The following RAD51B variants were observed in gnomAD, a reference collection of about 807,000 sequenced individuals.
RAD51B encodes the protein DNA repair protein RAD51 homolog 2.
A neutral mutation model predicts 42.2 loss-of-function variants in RAD51B; 38 were observed. The ratio of observed to expected loss-of-function variants is 0.90; its 90% CI spans 0.70 to 1.18. The LOEUF (loss-of-function observed/expected upper bound fraction) is 1.18, where lower values mean the gene tolerates loss of function less well. Among genes scored for constraint, RAD51B ranks in the 50% most tolerant of loss-of-function variants. RAD51B has a pLI of 0.00. For synonymous variants in RAD51B, 154 were observed against 145.2 expected, an observed-to-expected ratio of 1.06 and a Z score of -0.43; for missense variants, 373 against 400.7, an observed-to-expected ratio of 0.93 and a Z score of 0.59.
At chr14:68,131,229 G>A (rs1303974855) in intron 7 of RAD51B, among the ~76,000 whole-genome samples, 1 of 152,044 alleles carries the variant, frequency 6.6e-6, no homozygotes, top group Admixed American at 6.6e-5. Context: ...ATGTCACTTA[G>A]AATTTTAAAA....
chr14:68,497,129 G>T, intron 10 of RAD51B: 1 of 1,394,190 alleles, frequency 7.2e-7, no homozygotes. Context: ...TGCAGCCTAT[G>T]GAAATTCCTA....
intron 10 of RAD51B, among the ~76,000 whole-genome samples, chr14:68,564,422 AGGC>A (rs1889317464): frequency 6.6e-6 from 1 of 152,132 alleles, no homozygotes; most frequent in Admixed American, 6.5e-5. Flanking sequence ...TGTTAACGAG[AGGC>A]CACTGAAGCT....
intron 11 of RAD51B, among the ~76,000 whole-genome samples, chr14:68,668,040 T>C (rs898730455): frequency 6.6e-6 from 1 of 152,188 alleles, no homozygotes; most frequent in African/African-American, 2.4e-5. Context: ...AACAAGTGAT[T>C]ACCAATCCTT....
At chr14:68,014,849 C>CA (rs111996389) in intron 7 of RAD51B, among the ~76,000 whole-genome samples, 12,385 of 104,590 alleles carry the variant, frequency 0.12, 1,324 homozygotes, top group African/African-American at 0.3. Context: ...AGAATGAATG[C>CA]AAAAAAAAAA....
At chr14:68,020,816 A>G (rs2075851952) in intron 7 of RAD51B, among the ~76,000 whole-genome samples, 1 of 152,242 alleles carries the variant, frequency 6.6e-6, no homozygotes, top group South Asian at 2.1e-4. Flanking sequence ...ATCAAACTCA[A>G]CATATTATTT....
intron 9 of RAD51B, among the ~76,000 whole-genome samples, chr14:68,449,837 G>A (rs967849210): frequency 3.9e-5 from 6 of 152,232 alleles, no homozygotes; most frequent in Admixed American, 1.3e-4. Context: ...TGTCATTAGG[G>A]TAGTTATCTC....
intron 7 of RAD51B, among the ~76,000 whole-genome samples, chr14:68,106,459 C>T (rs555645751): frequency 3.3e-5 from 5 of 151,948 alleles, no homozygotes; most frequent in South Asian, 2.1e-4. Context: ...ACATTTTGCC[C>T]TATCTGGCAC....
downstream of RAD51B, among the ~76,000 whole-genome samples, chr14:68,613,505 G>A (rs1166807454): frequency 2.0e-5 from 3 of 150,266 alleles, no homozygotes; most frequent in Non-Finnish European, 4.4e-5. Context: ...CCAGGCTGGA[G>A]TGCAGTGGCA....
chr14:68,133,628 C>T (rs970036769), intron 7 of RAD51B, among the ~76,000 whole-genome samples: 5 of 152,054 alleles, frequency 3.3e-5, no homozygotes, highest in South Asian at 2.1e-4. Flanking sequence ...CACACCACCA[C>T]GCCTGGCTAA....
intron 9 of RAD51B, among the ~76,000 whole-genome samples, chr14:68,442,884 A>T (rs1594846183): frequency 6.6e-6 from 1 of 152,290 alleles, no homozygotes; most frequent in East Asian, 1.9e-4. Flanking sequence ...AATCAATAAG[A>T]GGAGCTGCAG....
At chr14:68,193,404 A>G (rs1487828440) in intron 7 of RAD51B, among the ~76,000 whole-genome samples, 2 of 152,106 alleles carry the variant, frequency 1.3e-5, no homozygotes, top group African/African-American at 2.4e-5. Flanking sequence ...CAAGAAGCAA[A>G]CTTATTGAGG....
chr14:68,595,567 G>T (rs1425711540), exon 11 of RAD51B: 2 of 1,066,544 alleles, frequency 1.9e-6, no homozygotes, highest in African/African-American at 3.3e-5. Context: ...TTTAAGGAAG[G>T]ACTAAGTGAC....
chr14:68,605,553 C>T (rs1891412622), intron 10 of RAD51B, among the ~76,000 whole-genome samples: 4 of 152,238 alleles, frequency 2.6e-5, no homozygotes, highest in African/African-American at 9.6e-5. Context: ...TTACTTTCTA[C>T]AGCCTGTCCC....
At position 68,605,130 on chromosome 14, in the gene RAD51B, T is replaced by G. The variant is rs367906624; in HGVS notation, c.1037-5876T>G. 2.0e-5 allele frequency among the ~76,000 whole-genome samples: 3 copies of G among 152,284 alleles called. No homozygotes were observed. The East Asian group carries it at 5.8e-4, about 29-fold the overall frequency. ...AAGGCTGACTTGGTCAAGTTTTACT[T>G]AAAATAACAGAAATGCACTCTTTCA... On this transcript the variant is annotated intron_variant, in intron 10 of 10. Transcript: ENST00000487861.
rs560122556 is a variant in RAD51B, at chr14:68,003,863, C to G, written c.756+116659C>G. ...CCAACTTTGCATCCCACGGATGAAG[C>G]CTACTTGATTGTGGTGGATAAACTT... On this transcript the variant is annotated intron_variant, in intron 7 of 10. Transcript: ENST00000471583. Among the ~76,000 whole-genome samples the G allele has an allele frequency of 6.6e-5, 10 of 152,176 alleles. No individual in the cohort carries two copies. In the South Asian group the frequency reaches 8.3e-4, roughly 13 times the overall value.
intron 7 of RAD51B, among the ~76,000 whole-genome samples, chr14:68,152,496 A>G (rs1334046313): frequency 6.6e-6 from 1 of 152,146 alleles, no homozygotes; most frequent in Non-Finnish European, 1.5e-5. Flanking sequence ...GTGGATCCCC[A>G]TTGTGTTGGT....
At chr14:67,970,508 TC>T (rs1342604490) in intron 7 of RAD51B, among the ~76,000 whole-genome samples, 2 of 152,082 alleles carry the variant, frequency 1.3e-5, no homozygotes, top group African/African-American at 2.4e-5. Flanking sequence ...GTTTTTTTTT[TC>T]CTAAGGTAGA....
intron 7 of RAD51B, among the ~76,000 whole-genome samples, chr14:68,090,977 T>C (rs1028202685): frequency 1.3e-5 from 2 of 151,498 alleles, no homozygotes; most frequent in East Asian, 3.9e-4. Context: ...TTGTGATAGT[T>C]TGCTGAGAAT....
At chr14:68,282,753 G>A (rs906572878) in intron 7 of RAD51B, among the ~76,000 whole-genome samples, 4 of 152,174 alleles carry the variant, frequency 2.6e-5, no homozygotes, top group African/African-American at 7.2e-5. Context: ...ATTCACTCTG[G>A]AGATAGAATT....
Sources: gnomAD v4.1 joint callset for allele counts (sites outside exome capture counted in the v4.1 genomes callset) on GRCh38, gnomAD v4.1.1 for gene constraint, MANE v1.5 for transcripts, NCBI Gene and HGNC (gene_info 2026-07-23, HGNC 2026-07-21) for gene names.